SP110: variants seen among roughly 807,000 people sequenced by gnomAD.
The protein encoded by SP110 is interferon-induced protein 41, 30kD.
In SP110, 62 loss-of-function variants were observed where a neutral mutation model predicts 92.7. The observed-to-expected ratio is 0.67, with a 90% CI of 0.55 to 0.83. The LOEUF (loss-of-function observed/expected upper bound fraction) is 0.83, where lower values mean the gene tolerates loss of function less well. SP110 is among the 40% of genes least tolerant of loss of function. The pLI is 0.00. For missense variants in SP110, 793 were observed against 863.9 expected, an observed-to-expected ratio of 0.92 and a Z score of 1.03; for synonymous variants, 273 against 305.3, an observed-to-expected ratio of 0.89 and a Z score of 1.10.
chr2:230,206,675 T>C (rs1372734448), intron 8 of SP110, among the ~76,000 whole-genome samples: 1 of 135,918 alleles, frequency 7.4e-6, no homozygotes, highest in Non-Finnish European at 1.6e-5. Flanking sequence ...AATTGCCATA[T>C]TGTGGGGAAT....
At chr2:230,192,928 C>T (rs1184538002) in intron 10 of SP110, among the ~76,000 whole-genome samples, 2 of 152,058 alleles carry the variant, frequency 1.3e-5, no homozygotes, top group East Asian at 3.8e-4. Context: ...TCAATGATCT[C>T]TCTGGTGCTG....
At chr2:230,175,113 T>A (rs2041796898) in intron 14 of SP110, among the ~76,000 whole-genome samples, 1 of 152,140 alleles carries the variant, frequency 6.6e-6, no homozygotes, top group African/African-American at 2.4e-5. Flanking sequence ...AAAGGTATAA[T>A]ACAGAAGGCA....
intron 18 of SP110, 67 bp from the exon 19 acceptor site, chr2:230,169,304 CT>C (rs1265437451): frequency 7.9e-5 from 77 of 971,516 alleles, no homozygotes; most frequent in African/African-American, 1.3e-4. Context: ...ATCACTCATA[CT>C]TTTTTTTGTG....
At chr2:230,200,860 G>C in intron 10 of SP110, 25 bp downstream of exon 10, 2 of 1,547,078 alleles carry the variant, frequency 1.3e-6, no homozygotes, top group Non-Finnish European at 1.8e-6. Context: ...ACTGTACTCT[G>C]AGACCAGCAA....
At chr2:230,190,029 T>C (rs1158918379) in intron 10 of SP110, among the ~76,000 whole-genome samples, 1 of 152,236 alleles carries the variant, frequency 6.6e-6, no homozygotes, top group Non-Finnish European at 1.5e-5. Context: ...TGCATGTGTC[T>C]TTACAGTAGA....
intron 15 of SP110, 81 bp from the exon 16 acceptor site, chr2:230,172,255 T>C: frequency 1.1e-6 from 1 of 902,052 alleles, no homozygotes; most frequent in Non-Finnish European, 1.9e-6. Flanking sequence ...CTGTCTTCCC[T>C]CAGGAAGGAT....
Position 230,219,963 on chromosome 2 carries a change from G to A in SP110, c.-91C>T. On this transcript the variant is annotated 5_prime_UTR_variant, in exon 1 of 19. Coordinates refer to ENST00000258381, the MANE Select transcript of SP110 (RefSeq NM_080424.4). ...TTGGGAGAGTTACAGGGAGATGCTA[G>A]CAGGCAAAACAGGAAGTCTGTGCTT... is the stretch of plus-strand genomic sequence containing the variant. 1.0e-6 allele frequency: 1 copy of A among 985,616 alleles called. No individual in the cohort carries two copies. The highest frequency in any genetic ancestry group is 1.2e-6 in the Non-Finnish European group (1 of 829,952). 61.1% of individuals were successfully genotyped at this position (985,616 alleles called of 1,614,324 possible). A position where few individuals can be genotyped will look rare whatever the true frequency, so the allele number is the denominator to read the frequency against.
In SP110 at chr2:230,172,830, TG is replaced by T; in HGVS notation, c.1706+13del. On this transcript the variant is annotated intron_variant, in intron 15 of 18. Transcript: ENST00000258381. ...GAGTGCTGTGTGCCCGAGGCGGGGC[TG>T]CATCCCACTCACCTCTTGGCTTCCA... The T allele has an allele frequency of 6.4e-7, 1 of 1,551,334 alleles. No individual in the cohort carries two copies. The highest frequency in any genetic ancestry group is 8.9e-7 in the Non-Finnish European group (1 of 1,122,656).
chr2:230,216,971 C>T (rs368598678), intron 1 of SP110, 43 bp from the exon 2 acceptor site: 94 of 1,580,472 alleles, frequency 5.9e-5, no homozygotes, highest in Admixed American at 2.7e-4. Flanking sequence ...AAAGGCTGGG[C>T]GCGGTGGCTC....
intron 1 of SP110, among the ~76,000 whole-genome samples, chr2:230,219,214 G>C (rs1451208905): frequency 6.6e-6 from 1 of 152,202 alleles, no homozygotes; most frequent in Admixed American, 6.5e-5. Flanking sequence ...GACAGAGCGA[G>C]ACTCCGTCTC....
At chr2:230,218,777 AT>A in intron 1 of SP110, among the ~76,000 whole-genome samples, 1 of 152,356 alleles carries the variant, frequency 6.6e-6, no homozygotes, top group East Asian at 1.9e-4. Context: ...GACTGTTCAG[AT>A]TTTTATTATG....
At chr2:230,208,431 G>A (rs1182363988) in intron 7 of SP110, among the ~76,000 whole-genome samples, 10 of 152,204 alleles carry the variant, frequency 6.6e-5, no homozygotes, top group Admixed American at 5.9e-4. Context: ...ATACTTGAGA[G>A]AGAAGGGATC....
intron 12 of SP110, among the ~76,000 whole-genome samples, chr2:230,179,509 G>A (rs974265184): frequency 7.9e-5 from 12 of 151,356 alleles, no homozygotes; most frequent in African/African-American, 2.9e-4. Context: ...GGGGGTGGGA[G>A]GGGCTTGTAA....
Position 230,166,550 on chromosome 2 carries a change from G to A in SP110, c.*2574C>T, listed in dbSNP as rs1475142800. Reference sequence around the variant, plus strand: ...GGTATATTAAATACCCTCTGCAATGGTACATTAAATACCCTCTGCAATGGT... The same window carrying A: ...GGTATATTAAATACCCTCTGCAATGATACATTAAATACCCTCTGCAATGGT... On this transcript the variant is annotated 3_prime_UTR_variant, in exon 19 of 19. Coordinates refer to ENST00000258381, the MANE Select transcript of SP110 (RefSeq NM_080424.4). 6.8e-6 allele frequency among the ~76,000 whole-genome samples: 1 copy of A among 147,612 alleles called. No individual in the cohort carries two copies. Among genetic ancestry groups the A allele is most frequent in the Non-Finnish European group, 1.5e-5 (1 of 65,776 alleles).
chr2:230,170,433 GCTTGCTGTT>G (rs1560519768), intron 18 of SP110, among the ~76,000 whole-genome samples, 179 bp downstream of exon 18: 1 of 151,584 alleles, frequency 6.6e-6, no homozygotes, highest in Non-Finnish European at 1.5e-5. Context: ...CCCCTGTCCT[GCTTGCTGTT>G]CTTTTTGCCA....
upstream of SP110, among the ~76,000 whole-genome samples, chr2:230,222,837 A>G (rs1221470330): frequency 7.0e-6 from 1 of 142,142 alleles, no homozygotes; most frequent in African/African-American, 2.7e-5. Context: ...CGTGTGTATT[A>G]AAGTTTTTTT....
intron 7 of SP110, among the ~76,000 whole-genome samples, 158 bp downstream of exon 7, chr2:230,209,773 T>C (rs532644065): frequency 6.6e-6 from 1 of 152,300 alleles, no homozygotes; most frequent in African/African-American, 2.4e-5. Flanking sequence ...ATAAAGGCCT[T>C]TTTGGAAGAT....
rs374077540 is a variant in SP110 at position 230,186,657 on chromosome 2, C to T, written c.1130-514G>A. Among the ~76,000 whole-genome samples the T allele has an allele frequency of 2.6e-4, 39 of 152,138 alleles. No individual in the cohort carries two copies. In the South Asian group the frequency reaches 7.1e-3, roughly 28 times the overall value. The stretch of plus-strand genomic sequence containing the variant: ...ACATAGGTTTTTACTCCCCCTCCTC[C>T]GTCCCTCTCCTTTCTGAGTCTCCAT... On this transcript the variant is annotated intron_variant, in intron 10 of 18. Transcript: ENST00000258381.
chr2:230,189,419 C>T (rs530096118), intron 10 of SP110, among the ~76,000 whole-genome samples: 5 of 152,090 alleles, frequency 3.3e-5, no homozygotes, highest in Admixed American at 6.5e-5. Context: ...TTCTAATTTC[C>T]GTCTTAATTT....
Sources: gnomAD v4.1 joint callset for allele counts (sites outside exome capture counted in the v4.1 genomes callset) on GRCh38, gnomAD v4.1.1 for gene constraint, MANE v1.5 for transcripts, NCBI Gene and HGNC (gene_info 2026-07-23, HGNC 2026-07-21) for gene names.